MGAT5B: variants seen among roughly 807,000 people sequenced by gnomAD.
MGAT5B encodes N-acetylglucosaminyl-transferase Vb.
In MGAT5B, 54 loss-of-function variants were observed where a neutral mutation model predicts 95.1. The ratio of observed to expected loss-of-function variants is 0.57; its 90% CI spans 0.46 to 0.71. MGAT5B has a LOEUF of 0.71. Ranked by LOEUF, MGAT5B falls within the 30% of genes least tolerant of loss-of-function variation. The probability of loss-of-function intolerance (pLI) is 0.00; values close to 1 mark genes in which losing one functional copy is unlikely to be tolerated. For missense variants in MGAT5B, 935 were observed against 1,088.6 expected, an observed-to-expected ratio of 0.86 and a Z score of 1.99; for synonymous variants, 464 against 451.0, an observed-to-expected ratio of 1.03 and a Z score of -0.36.
Position 76,940,936 on chromosome 17 carries a change from T to A in MGAT5B, c.1848+88T>A, listed in dbSNP as rs1969847141. The A allele has an allele frequency of 8.6e-7, 1 of 1,161,214 alleles. No homozygotes were observed. 71.9% of individuals were successfully genotyped at this position (1,161,214 alleles called of 1,614,324 possible). Reference sequence around the variant, plus strand: ...TTAGAAAACGGTGCCCCCCTCTGGGTGAGTTCAGACTTGCAGGCCTGGGTT... The same window carrying A: ...TTAGAAAACGGTGCCCCCCTCTGGGAGAGTTCAGACTTGCAGGCCTGGGTT... On this transcript the variant is annotated intron_variant, in intron 15 of 17. Transcript: ENST00000569840. The surrounding 1 kb of genome is among the most constrained non-coding windows in gnomAD (Gnocchi z 4.3).
intron 3 of MGAT5B, among the ~76,000 whole-genome samples, chr17:76,894,806 T>C (rs1452267135): frequency 6.6e-6 from 1 of 150,854 alleles, no homozygotes; most frequent in African/African-American, 2.4e-5. Flanking sequence ...TGAGCTGAGA[T>C]TGCACCAGTG....
chr17:76,947,096 A>G (rs1772636742), intron 16 of MGAT5B, among the ~76,000 whole-genome samples: 1 of 152,184 alleles, frequency 6.6e-6, no homozygotes, highest in African/African-American at 2.4e-5. Context: ...GGTGGCCCAG[A>G]TGGAGCGTGG....
Position 76,897,728 on chromosome 17 carries a change from T to TCTTTCTTC in MGAT5B, c.330-4827_330-4826insCTTTCTTC, listed in dbSNP as rs71158082. Among the ~76,000 whole-genome samples the TCTTTCTTC allele has an allele frequency of 1.9e-4, 11 of 58,696 alleles. No homozygotes were observed. The East Asian group carries it at 7.3e-3, about 39-fold the overall frequency. 38.5% of individuals were successfully genotyped at this position (58,696 alleles called of 152,430 possible). On this transcript the variant is annotated intron_variant, in intron 3 of 17. Transcript: ENST00000569840. ...TTCTTTCTTTCTTTCTTTCTTTCTT[T>TCTTTCTTC]TTCTTTTTTTTTTTTTTTTTTGGTT...
Position 76,926,586 on chromosome 17 carries a change from TG to T in MGAT5B, c.1158-4del. Reference sequence around the variant, plus strand: ...TTGCTGACCCTGGTTCCTGGTCCCCTGGGGGGGCAGGTGCCGAATCAGGGTC... The same window carrying T: ...TTGCTGACCCTGGTTCCTGGTCCCCTGGGGGGCAGGTGCCGAATCAGGGTC... On this transcript the variant is annotated splice_polypyrimidine_tract_variant and intron_variant, in intron 9 of 17. Transcript: ENST00000569840. The T allele has an allele frequency of 2.5e-6, 4 of 1,604,396 alleles. No individual in the cohort carries two copies. The Admixed American group carries it at 5.0e-5, about 20-fold the overall frequency.
chr17:76,890,061 C>T (rs1317250569), intron 3 of MGAT5B, among the ~76,000 whole-genome samples: 1 of 152,278 alleles, frequency 6.6e-6, no homozygotes, highest in Non-Finnish European at 1.5e-5. Flanking sequence ...TAACCTGTCA[C>T]TACAGGATCA....
rs1967635989 is a variant in MGAT5B, at chr17:76,886,565, A to G, written c.329+4267A>G. Among the ~76,000 whole-genome samples, 5 of 152,202 alleles carry G rather than the reference A, an allele frequency of 3.3e-5. No individual in the cohort carries two copies. In the South Asian group the frequency reaches 6.2e-4, roughly 19 times the overall value. The stretch of plus-strand genomic sequence containing the variant: ...ACAGGGGAGTTTGGGATAGCCTTGA[A>G]GGAGAGACATTTTGACTGGGGAGAC... On this transcript the variant is annotated intron_variant, in intron 3 of 17. Transcript: ENST00000569840.
In MGAT5B at chr17:76,916,075, T is replaced by C. The variant is rs1467236664; in HGVS notation, c.1026-8891T>C. Among the ~76,000 whole-genome samples, 3 of 150,294 alleles carry C rather than the reference T, an allele frequency of 2.0e-5. No homozygotes were observed. Among genetic ancestry groups the C allele is most frequent in the Non-Finnish European group, 4.4e-5 (3 of 67,994 alleles). ...GCCAAATGTCGTGGGCCTCTGCTGC[T>C]GGGGCCTGGGGCTGCCCTGGCCCCT... On this transcript the variant is annotated intron_variant, in intron 8 of 17. Coordinates refer to ENST00000569840, the MANE Select transcript of MGAT5B (RefSeq NM_001199172.2). This position sits in a 1 kb window ranked among gnomAD's most constrained non-coding sequence, Gnocchi z 5.3.
intron 8 of MGAT5B, among the ~76,000 whole-genome samples, chr17:76,907,780 G>T (rs995059223): frequency 6.6e-6 from 1 of 152,184 alleles, no homozygotes; most frequent in Non-Finnish European, 1.5e-5. Flanking sequence ...AGATAATGCC[G>T]AATTGTCTTC....
At position 76,926,582 on chromosome 17, in the gene MGAT5B, C is replaced by T. The variant is rs1369475432; in HGVS notation, c.1158-15C>T. 1.9e-6 allele frequency: 3 copies of T among 1,603,584 alleles called. No homozygotes were observed. The East Asian group carries it at 6.7e-5, about 36-fold the overall frequency. The stretch of plus-strand genomic sequence containing the variant: ...GAGGTTGCTGACCCTGGTTCCTGGT[C>T]CCCTGGGGGGGCAGGTGCCGAATCA... On this transcript the variant is annotated splice_polypyrimidine_tract_variant and intron_variant, in intron 9 of 17. Coordinates refer to ENST00000569840, the MANE Select transcript of MGAT5B (RefSeq NM_001199172.2).
intron 1 of MGAT5B, 155 bp from the exon 2 acceptor site, chr17:76,872,696 C>G: frequency 6.5e-7 from 1 of 1,540,136 alleles, no homozygotes; most frequent in Non-Finnish European, 8.8e-7. Context: ...GGGGGGCCCT[C>G]CTGGGTCTGG....
rs1046337648 is a variant in MGAT5B at position 76,869,324 on chromosome 17, T to A, written c.68+227T>A. 1.3e-5 allele frequency among the ~76,000 whole-genome samples: 2 copies of A among 151,870 alleles called. No individual in the cohort carries two copies. Among genetic ancestry groups the A allele is most frequent in the African/African-American group, 4.8e-5 (2 of 41,360 alleles). ...GGACCTGTCCCGAGTTGGGCAGGGT[T>A]GGAGAGGACTCGGGGTGCAGAGGTA... On this transcript the variant is annotated intron_variant, in intron 1 of 17. Coordinates refer to ENST00000569840, the MANE Select transcript of MGAT5B (RefSeq NM_001199172.2). The surrounding 1 kb of genome is among the most constrained non-coding windows in gnomAD (Gnocchi z 7.0).
rs1969035481 is a variant in MGAT5B, at chr17:76,918,933, T to TA, written c.1026-6032dup. Among the ~76,000 whole-genome samples the TA allele has an allele frequency of 6.6e-6, 1 of 152,204 alleles. No individual in the cohort carries two copies. On this transcript the variant is annotated intron_variant, in intron 8 of 17. Coordinates refer to ENST00000569840, the MANE Select transcript of MGAT5B (RefSeq NM_001199172.2). The surrounding 1 kb of genome is among the most constrained non-coding windows in gnomAD (Gnocchi z 5.1). Reference sequence around the variant, plus strand: ...ATAGTGTGTTCCACAATTTGAGCACTACCTGGAGAGATTATTTCTAGCCAC... The same window carrying TA: ...ATAGTGTGTTCCACAATTTGAGCACTAACCTGGAGAGATTATTTCTAGCCAC...
At chr17:76,946,195 G>T in intron 15 of MGAT5B, 181 bp from the exon 16 acceptor site, 1 of 544,388 alleles carries the variant, frequency 1.8e-6, no homozygotes, top group East Asian at 3.3e-5. Context: ...CTACTGGAGG[G>T]TGTGCGGGGA....
chr17:76,878,121 C>T (rs1488800179), intron 2 of MGAT5B, among the ~76,000 whole-genome samples: 2 of 152,094 alleles, frequency 1.3e-5, no homozygotes, highest in Non-Finnish European at 2.9e-5. Context: ...AGTCCCGGGG[C>T]CAGTGGTGGC....
In MGAT5B at chr17:76,889,679, G is replaced by A. The variant is rs745821694; in HGVS notation, c.329+7381G>A. Among the ~76,000 whole-genome samples the A allele has an allele frequency of 2.0e-5, 3 of 149,160 alleles. No homozygotes were observed. The highest frequency in any genetic ancestry group is 4.4e-5 in the Non-Finnish European group (3 of 67,728). ...ATGATGATAATAATCAATGACAATA[G>A]CAAATAATAATAACAGCCACCCTCT... On this transcript the variant is annotated intron_variant, in intron 3 of 17. Coordinates refer to ENST00000569840, the MANE Select transcript of MGAT5B (RefSeq NM_001199172.2). The surrounding 1 kb of genome is among the most constrained non-coding windows in gnomAD (Gnocchi z 4.4).
Position 76,940,569 on chromosome 17 carries a change from T to TC in MGAT5B, c.1731+25dup. 1 of 1,598,606 alleles carries TC rather than the reference T, an allele frequency of 6.3e-7. No homozygotes were observed. Among genetic ancestry groups the TC allele is most frequent in the African/African-American group, 1.3e-5 (1 of 74,668 alleles). On this transcript the variant is annotated intron_variant, in intron 14 of 17. Transcript: ENST00000569840. This position sits in a 1 kb window ranked among gnomAD's most constrained non-coding sequence, Gnocchi z 4.3. ...GAGAGGTGAGTGGAAAGCATCCTGG[T>TC]CCCCGATCAGGAGGGGCCGGGACAG...
intron 11 of MGAT5B, 115 bp downstream of exon 11, chr17:76,932,890 T>G: frequency 1.4e-6 from 2 of 1,434,006 alleles, no homozygotes; most frequent in Non-Finnish European, 1.9e-6. Flanking sequence ...CAGCCCTGCA[T>G]GCTGGAAATG....
chr17:76,944,427 C>G (rs1336364918), intron 15 of MGAT5B, among the ~76,000 whole-genome samples: 1 of 152,126 alleles, frequency 6.6e-6, no homozygotes, highest in Non-Finnish European at 1.5e-5. Context: ...GAGAGTGAAG[C>G]CTTGTCCCCG....
At chr17:76,937,908 C>G in intron 12 of MGAT5B, 80 bp from the exon 13 acceptor site, 1 of 1,549,268 alleles carries the variant, frequency 6.5e-7, no homozygotes, top group Non-Finnish European at 8.8e-7. Flanking sequence ...TTCTGACTTC[C>G]AGACCAAAGG....
Sources: gnomAD v4.1 joint callset for allele counts (sites outside exome capture counted in the v4.1 genomes callset) on GRCh38, gnomAD v4.1.1 for gene constraint, Gnocchi (gnomAD v3.1) non-coding constraint, MANE v1.5 for transcripts, NCBI Gene and HGNC (gene_info 2026-07-23, HGNC 2026-07-21) for gene names.